AOPEP: variants seen among roughly 807,000 people sequenced by gnomAD.
AOPEP encodes the protein aminopeptidase O (putative).
AOPEP carries 77 observed loss-of-function variants against 98.1 expected under a neutral mutation model. The observed-to-expected ratio is 0.78, with a 90% CI of 0.65 to 0.95. The LOEUF (loss-of-function observed/expected upper bound fraction) is 0.95, where lower values mean the gene tolerates loss of function less well. AOPEP is among the 40% of genes least tolerant of loss of function. AOPEP has a pLI of 0.00. For synonymous variants in AOPEP, 346 were observed against 365.3 expected, an observed-to-expected ratio of 0.95 and a Z score of 0.60; for missense variants, 1,024 against 1,024.7, an observed-to-expected ratio of 1.00 and a Z score of 0.01.
At chr9:94,941,141 A>G (rs924556158) in intron 7 of AOPEP, among the ~76,000 whole-genome samples, 11 of 152,218 alleles carry the variant, frequency 7.2e-5, no homozygotes, top group Admixed American at 5.2e-4. Flanking sequence ...TCTGGAACCT[A>G]CATCTAGTCC....
chr9:94,889,316 C>G (rs370366405), intron 5 of AOPEP, among the ~76,000 whole-genome samples: 10 of 152,032 alleles, frequency 6.6e-5, no homozygotes. Context: ...GAGATTAATT[C>G]AATCTACTGT....
At chr9:95,039,524 G>A (rs184309730) in intron 13 of AOPEP, among the ~76,000 whole-genome samples, 12 of 152,284 alleles carry the variant, frequency 7.9e-5, no homozygotes, top group Non-Finnish European at 1.0e-4. Context: ...AGTAAGCTGT[G>A]TTCACACCAC....
At chr9:94,795,874 A>G (rs1168880667) in intron 4 of AOPEP, among the ~76,000 whole-genome samples, 3 of 152,206 alleles carry the variant, frequency 2.0e-5, no homozygotes, top group African/African-American at 7.2e-5. Flanking sequence ...CAGTTGAGGA[A>G]CAGACAGAGG....
chr9:94,868,724 G>A (rs2045979413), intron 5 of AOPEP, among the ~76,000 whole-genome samples: 1 of 152,182 alleles, frequency 6.6e-6, no homozygotes, highest in Non-Finnish European at 1.5e-5. Flanking sequence ...GGCCAATGCA[G>A]TGGAAGCTCC....
chr9:94,853,186 G>A (rs780475191), intron 5 of AOPEP, among the ~76,000 whole-genome samples: 4 of 152,138 alleles, frequency 2.6e-5, no homozygotes, highest in African/African-American at 7.2e-5. Context: ...AAGGCTGGGC[G>A]CAGTGGCTAA....
intron 5 of AOPEP, among the ~76,000 whole-genome samples, chr9:94,808,775 G>A (rs1355459718): frequency 6.6e-6 from 1 of 152,236 alleles, no homozygotes; most frequent in African/African-American, 2.4e-5. Flanking sequence ...TAGGCAAGGA[G>A]GAGGAGGTGC....
At chr9:95,035,414 A>G (rs2064714602) in intron 13 of AOPEP, among the ~76,000 whole-genome samples, 1 of 151,246 alleles carries the variant, frequency 6.6e-6, no homozygotes, top group South Asian at 2.1e-4. Flanking sequence ...AAGTAAAGGT[A>G]TCTAAGGTGG....
At chr9:94,891,302 C>T (rs1049316816) in intron 5 of AOPEP, among the ~76,000 whole-genome samples, 2 of 152,212 alleles carry the variant, frequency 1.3e-5, no homozygotes, top group Non-Finnish European at 2.9e-5. Flanking sequence ...TCACTTTCAA[C>T]CTACCTATGT....
At chr9:94,871,242 A>C (rs1156728598) in intron 5 of AOPEP, among the ~76,000 whole-genome samples, 1 of 152,222 alleles carries the variant, frequency 6.6e-6, no homozygotes, top group East Asian at 1.9e-4. Flanking sequence ...AACCACAGGC[A>C]CAGGTAATGC....
chr9:94,985,414 C>A (rs2060459806), intron 11 of AOPEP, among the ~76,000 whole-genome samples: 1 of 152,142 alleles, frequency 6.6e-6, no homozygotes, highest in Admixed American at 6.5e-5. Context: ...ATGCAGGAGG[C>A]TTTATGTCAC....
downstream of AOPEP, among the ~76,000 whole-genome samples, chr9:95,088,540 T>A (rs2070820280): frequency 6.6e-6 from 1 of 151,844 alleles, no homozygotes; most frequent in Non-Finnish European, 1.5e-5. Context: ...GCTTTCTAAG[T>A]GTGTTTGGCT....
intron 11 of AOPEP, among the ~76,000 whole-genome samples, chr9:95,003,539 G>C (rs2061703687): frequency 6.6e-6 from 1 of 152,148 alleles, no homozygotes; most frequent in African/African-American, 2.4e-5. Context: ...AAAGGTTGAA[G>C]AGTTTAAAGT....
chr9:94,966,677 T>A (rs746751687), intron 9 of AOPEP, among the ~76,000 whole-genome samples: 1 of 152,206 alleles, frequency 6.6e-6, no homozygotes, highest in Non-Finnish European at 1.5e-5. Context: ...ACACTAGGAT[T>A]ACACACTTAG....
At chr9:94,728,238 T>TGCACACACACACAC (rs1554690306) in intron 1 of AOPEP, among the ~76,000 whole-genome samples, 1 of 80,868 alleles carries the variant, frequency 1.2e-5, no homozygotes, top group Non-Finnish European at 2.3e-5. Flanking sequence ...CGTGCGCGCA[T>TGCACACACACACAC]GCACACACAC....
intron 13 of AOPEP, among the ~76,000 whole-genome samples, chr9:95,045,309 G>A (rs940263822): frequency 1.3e-5 from 2 of 152,232 alleles, no homozygotes; most frequent in Non-Finnish European, 2.9e-5. Context: ...GCGGGCTGGG[G>A]ACGCCTTGGG....
At chr9:94,782,734 A>G (rs979672096) in intron 3 of AOPEP, among the ~76,000 whole-genome samples, 1 of 152,258 alleles carries the variant, frequency 6.6e-6, no homozygotes, top group African/African-American at 2.4e-5. Flanking sequence ...CCACGCCAGT[A>G]CACATACATT....
At chr9:94,941,606 G>T (rs111956127) in intron 7 of AOPEP, among the ~76,000 whole-genome samples, 2,988 of 152,234 alleles carry the variant, frequency 0.02, 107 homozygotes, top group African/African-American at 0.068. Flanking sequence ...CCTGTTAGAG[G>T]GACACCCTCA....
chr9:95,016,148 C>T (rs185947369), intron 13 of AOPEP, among the ~76,000 whole-genome samples: 43 of 151,474 alleles, frequency 2.8e-4, no homozygotes, highest in Admixed American at 4.6e-4. Flanking sequence ...TTTTTCCCCC[C>T]ACGGTAAACC....
At chr9:95,102,042 C>G in the AOPEP span, among the ~76,000 whole-genome samples, 1 of 152,186 alleles carries the variant, frequency 6.6e-6, no homozygotes, top group Admixed American at 6.5e-5. Context: ...CCAAGGCTGG[C>G]TACACAGTGA....
Sources: gnomAD v4.1 joint callset for allele counts (sites outside exome capture counted in the v4.1 genomes callset) on GRCh38, gnomAD v4.1.1 for gene constraint, MANE v1.5 for transcripts, NCBI Gene and HGNC (gene_info 2026-07-23, HGNC 2026-07-21) for gene names.